Variants in KDM3B observed in about 807,000 individuals in gnomAD.
The protein encoded by KDM3B is lysine demethylase 3B.
Under a neutral mutation model 170.0 loss-of-function variants are expected in KDM3B, and 10 were observed. The observed-to-expected ratio is 0.06, with a 90% CI of 0.04 to 0.10. The LOEUF (loss-of-function observed/expected upper bound fraction) is 0.10. KDM3B is among the 10% of genes least tolerant of loss of function. The pLI is 1.00. For synonymous variants in KDM3B, 831 were observed against 834.8 expected, an observed-to-expected ratio of 1.00 and a Z score of 0.08; for missense variants, 1,394 against 2,195.2, an observed-to-expected ratio of 0.64 and a Z score of 7.29.
intron 11 of KDM3B, among the ~76,000 whole-genome samples, chr5:138,409,812 C>T (rs1047545921): frequency 7.2e-5 from 11 of 152,136 alleles, no homozygotes; most frequent in African/African-American, 2.7e-4. Flanking sequence ...GGCCGAGCGC[C>T]GTGGCTAACT....
intron 12 of KDM3B, among the ~76,000 whole-genome samples, chr5:138,417,224 T>C (rs1177103449): frequency 6.6e-6 from 1 of 152,226 alleles, no homozygotes; most frequent in Non-Finnish European, 1.5e-5. Flanking sequence ...AGCTTAGTGC[T>C]TAAAAGTAAC....
In KDM3B at chr5:138,425,429, G is replaced by A; in HGVS notation, c.4258G>A (p.Val1420Ile). Reference sequence around the variant, plus strand: ...TCCACAGCCAGTGCTGGTTTCGGGGGTACATAAAAAGCTCAAGTCTGAGCT... The same window carrying A: ...TCCACAGCCAGTGCTGGTTTCGGGGATACATAAAAAGCTCAAGTCTGAGCT... ...KQGQPVLVSG[V>I]HKKLKSELWK... The change falls in exon 17 of 24, where the codon GTA (valine) becomes ATA (isoleucine). Residue 1420 changes from valine to isoleucine, a missense_variant. Around this residue, in one of 19 missense-constraint regions of KDM3B, gnomAD observed 66 missense variants for 178.8 expected, o/e 0.37. Coordinates refer to ENST00000314358, the MANE Select transcript of KDM3B (RefSeq NM_016604.4). The A allele has an allele frequency of 1.9e-6, 3 of 1,613,726 alleles. No individual in the cohort carries two copies. Among genetic ancestry groups the A allele is most frequent in the Non-Finnish European group, 2.5e-6 (3 of 1,179,872 alleles).
rs1761357443 is a variant in KDM3B at position 138,352,734 on chromosome 5, C to G, written c.-62C>G. The G allele has an allele frequency of 4.5e-6, 5 of 1,111,482 alleles. No homozygotes were observed. Among genetic ancestry groups the G allele is most frequent in the Admixed American group, 5.2e-5 (1 of 19,374 alleles). 68.9% of individuals were successfully genotyped at this position (1,111,482 alleles called of 1,614,324 possible). The stretch of plus-strand genomic sequence containing the variant: ...AGGGAGGCCTTGCGGGCGGATCGGG[C>G]GCTTGGCGGCGGAGGTGGTGGGAGG... On this transcript the variant is annotated 5_prime_UTR_variant, in exon 1 of 24. Transcript: ENST00000314358.
intron 13 of KDM3B, among the ~76,000 whole-genome samples, chr5:138,418,455 G>T (rs1016034709): frequency 6.6e-6 from 1 of 152,116 alleles, no homozygotes; most frequent in African/African-American, 2.4e-5. Flanking sequence ...ACAACACATC[G>T]TTGATGATAA....
intron 20 of KDM3B, 30 bp downstream of exon 20, chr5:138,428,116 A>G (rs1763440307): frequency 1.3e-6 from 2 of 1,598,574 alleles, no homozygotes; most frequent in Non-Finnish European, 1.7e-6. Flanking sequence ...CTGCTTTAGG[A>G]TGGTGAGGCT....
chr5:138,386,426 C>T lies in KDM3B; in HGVS notation c.1185C>T (p.Ala395=), dbSNP rs762798975. ...YSTATGQTPL[A]PEVGGAENKE... Reference sequence around the variant, plus strand: ...CAGCCACAGGTCAGACACCTTTGGCCCCAGAGGTGGGTGGAGCCGAAAACA... The same window carrying T: ...CAGCCACAGGTCAGACACCTTTGGCTCCAGAGGTGGGTGGAGCCGAAAACA... The change falls in exon 7 of 24, where the codon GCC becomes GCT. Residue 395 remains alanine (A), a synonymous_variant. Coordinates refer to ENST00000314358, the MANE Select transcript of KDM3B (RefSeq NM_016604.4). 1.1e-5 allele frequency: 18 copies of T among 1,614,034 alleles called. No individual in the cohort carries two copies. In the Admixed American group the frequency reaches 1.8e-4, roughly 16 times the overall value.
intron 22 of KDM3B, among the ~76,000 whole-genome samples, chr5:138,430,657 G>A (rs547892517): frequency 1.5e-4 from 23 of 152,286 alleles, no homozygotes; most frequent in African/African-American, 3.8e-4. Flanking sequence ...TTGGGAGGCC[G>A]AGGCGGGTGG....
intron 12 of KDM3B, among the ~76,000 whole-genome samples, chr5:138,416,213 A>G (rs1561788845): frequency 2.0e-5 from 3 of 152,278 alleles, no homozygotes; most frequent in Non-Finnish European, 2.9e-5. Flanking sequence ...CTGTATGCCT[A>G]CCTTCTGTAC....
intron 1 of KDM3B, among the ~76,000 whole-genome samples, chr5:138,359,168 A>T (rs1307929966): frequency 9.1e-5 from 13 of 143,632 alleles, no homozygotes; most frequent in African/African-American, 1.8e-4. Context: ...GTATTTATTT[A>T]TTTTTTTTTT....
intron 16 of KDM3B, 67 bp downstream of exon 16, chr5:138,424,408 C>T: frequency 6.6e-7 from 1 of 1,515,944 alleles, no homozygotes; most frequent in Non-Finnish European, 8.9e-7. Context: ...CTGGACAATT[C>T]CAGGTCTCTC....
chr5:138,422,435 G>A (rs79494510), intron 15 of KDM3B, among the ~76,000 whole-genome samples: 3 of 152,216 alleles, frequency 2.0e-5, no homozygotes, highest in East Asian at 1.9e-4. Flanking sequence ...TCAGGAGTTC[G>A]AGACTAACCT....
chr5:138,357,072 T>C (rs6875772), intron 1 of KDM3B, among the ~76,000 whole-genome samples: 19,344 of 151,806 alleles, frequency 0.13, 1,667 homozygotes, highest in South Asian at 0.25. Flanking sequence ...CGGGCTGGAG[T>C]GCAGGGGCAT....
At chr5:138,354,936 T>C (rs558053654) in intron 1 of KDM3B, among the ~76,000 whole-genome samples, 8 of 152,236 alleles carry the variant, frequency 5.3e-5, no homozygotes, top group Non-Finnish European at 1.0e-4. Context: ...TGCAAAATTG[T>C]TCAAGAATTG....
chr5:138,403,870 C>T (rs1762752808), intron 11 of KDM3B, among the ~76,000 whole-genome samples: 1 of 135,892 alleles, frequency 7.4e-6, no homozygotes, highest in African/African-American at 2.5e-5. Flanking sequence ...TACTATACAT[C>T]TTATAAATAT....
Position 138,381,604 on chromosome 5 carries a change from C to CT in KDM3B, c.780+15dup, listed in dbSNP as rs757130030. On this transcript the variant is annotated intron_variant, in intron 6 of 23. Transcript: ENST00000314358. ...CCTCAAAGCGAGGTACAGTAATGGA[C>CT]TGCATTCCTGAGCAGACTCATGAGC... is the stretch of plus-strand genomic sequence containing the variant. The CT allele has an allele frequency of 7.3e-6, 11 of 1,502,170 alleles. No homozygotes were observed. The highest frequency in any genetic ancestry group is 1.0e-5 in the Non-Finnish European group (11 of 1,077,680). The allele number at this position is 1,502,170 out of a possible 1,614,324, so 93.1% of individuals were successfully genotyped here.
At chr5:138,389,227 G>A (rs1322609357) in intron 7 of KDM3B, among the ~76,000 whole-genome samples, 3 of 152,136 alleles carry the variant, frequency 2.0e-5, no homozygotes, top group Admixed American at 1.3e-4. Flanking sequence ...AAAAAGAAAA[G>A]GAGTTTTATT....
At chr5:138,377,958 A>G (rs1443408578) in intron 4 of KDM3B, 133 bp downstream of exon 4, 2 of 425,874 alleles carry the variant, frequency 4.7e-6, no homozygotes, top group South Asian at 7.8e-5. Flanking sequence ...CAGATGCCAC[A>G]TGAAAGATAA....
chr5:138,377,847 TC>T, intron 4 of KDM3B, 22 bp downstream of exon 4: 1 of 1,531,504 alleles, frequency 6.5e-7, no homozygotes, highest in East Asian at 2.3e-5. Flanking sequence ...TAGTCTTCTG[TC>T]CCTGAACTCT....
At chr5:138,387,892 T>G (rs546017574) in intron 7 of KDM3B, among the ~76,000 whole-genome samples, 37 of 152,144 alleles carry the variant, frequency 2.4e-4, no homozygotes, top group East Asian at 7.8e-4. Context: ...CCATCCTGGC[T>G]AACACGGTGA....
Sources: allele counts gnomAD v4.1 joint callset (sites outside exome capture counted in the v4.1 genomes callset), GRCh38; gene constraint gnomAD v4.1.1; regional missense constraint gnomAD v4.1.1; transcripts MANE v1.5; gene names NCBI Gene and HGNC (gene_info 2026-07-23, HGNC 2026-07-21).